Variants in SH3BGRL2 observed in about 807,000 individuals in gnomAD.
SH3BGRL2 encodes the protein SH3 domain binding glutamate rich protein like 2.
Under a neutral mutation model 14.8 loss-of-function variants are expected in SH3BGRL2, and 21 were observed. The ratio of observed to expected loss-of-function variants is 1.42; its 90% CI spans 1.01 to 2.05. The LOEUF is 2.05. Among genes scored for constraint, SH3BGRL2 ranks in the 30% most tolerant of loss-of-function variants. The pLI is 0.00. For missense variants in SH3BGRL2, 147 were observed against 130.8 expected (o/e 1.12, Z -0.61); for synonymous variants, 50 against 47.8 (o/e 1.05, Z -0.19).
At chr6:79,554,891 A>G in the SH3BGRL2 span, among the ~76,000 whole-genome samples, 1 of 151,952 alleles carries the variant, frequency 6.6e-6, no homozygotes, top group Non-Finnish European at 1.5e-5. Context: ...TTATATTATC[A>G]TTATATACTT....
chr6:79,588,622 A>T, the SH3BGRL2 span, among the ~76,000 whole-genome samples: 5 of 152,176 alleles, frequency 3.3e-5, no homozygotes, highest in African/African-American at 1.2e-4. Context: ...GATCCCCTTA[A>T]CCATTTATTA....
the SH3BGRL2 span, among the ~76,000 whole-genome samples, chr6:79,591,318 G>A: frequency 6.6e-6 from 1 of 152,026 alleles, no homozygotes; most frequent in African/African-American, 2.4e-5. Context: ...TGGGGCTATT[G>A]ATCTAATCTT....
the SH3BGRL2 span, among the ~76,000 whole-genome samples, chr6:79,565,986 C>T: frequency 6.6e-6 from 1 of 152,158 alleles, no homozygotes; most frequent in Non-Finnish European, 1.5e-5. Flanking sequence ...GTGCAACTTA[C>T]TTCACAGAAC....
At chr6:79,698,568 A>G (rs1401197949) in intron 3 of SH3BGRL2, among the ~76,000 whole-genome samples, 1 of 152,202 alleles carries the variant, frequency 6.6e-6, no homozygotes, top group African/African-American at 2.4e-5. Context: ...CATGGGCCCA[A>G]CAGGCCCAGG....
the SH3BGRL2 span, among the ~76,000 whole-genome samples, chr6:79,563,425 ATT>A: frequency 6.6e-6 from 1 of 152,016 alleles, no homozygotes; most frequent in Non-Finnish European, 1.5e-5. Context: ...CTTGGTCTAT[ATT>A]AAGTCCCTAC....
At chr6:79,699,008 G>A (rs1305483413) in intron 3 of SH3BGRL2, among the ~76,000 whole-genome samples, 2 of 151,966 alleles carry the variant, frequency 1.3e-5, no homozygotes, top group Non-Finnish European at 2.9e-5. Context: ...CAGAGCTTGA[G>A]CAGGCCACAG....
chr6:79,674,672 C>G (rs1331578858), intron 2 of SH3BGRL2, among the ~76,000 whole-genome samples: 1 of 152,144 alleles, frequency 6.6e-6, no homozygotes, highest in Non-Finnish European at 1.5e-5. Flanking sequence ...TCAAAGAAAA[C>G]AATCCTTTCC....
the SH3BGRL2 span, among the ~76,000 whole-genome samples, chr6:79,612,116 T>G: frequency 1.3e-5 from 2 of 152,062 alleles, no homozygotes; most frequent in African/African-American, 4.8e-5. Context: ...GCCAACGTGG[T>G]AAAACCTTGT....
the SH3BGRL2 span, chr6:79,574,428 G>A: frequency 1.3e-5 from 2 of 152,234 alleles, no homozygotes; most frequent in South Asian, 4.2e-4. Flanking sequence ...CAGAACAGCG[G>A]GGGATAGAGA....
At chr6:79,653,921 G>A (rs1475710060) in intron 1 of SH3BGRL2, among the ~76,000 whole-genome samples, 2 of 152,108 alleles carry the variant, frequency 1.3e-5, no homozygotes, top group Non-Finnish European at 2.9e-5. Context: ...GTGGTAAGAA[G>A]GAAAGCCCCA....
At chr6:79,589,993 G>A in the SH3BGRL2 span, among the ~76,000 whole-genome samples, 1 of 151,938 alleles carries the variant, frequency 6.6e-6, no homozygotes, top group African/African-American at 2.4e-5. Flanking sequence ...GGCTGATCTC[G>A]AGCTTCTGGG....
chr6:79,645,377 A>G (rs552745811), intron 1 of SH3BGRL2, among the ~76,000 whole-genome samples: 3 of 152,294 alleles, frequency 2.0e-5, no homozygotes, highest in African/African-American at 7.2e-5. Context: ...TGGATTTCCC[A>G]TTCTTCTTAA....
the SH3BGRL2 span, chr6:79,575,598 T>G: frequency 6.6e-6 from 1 of 152,160 alleles, no homozygotes; most frequent in East Asian, 1.9e-4. Context: ...AACATATCCT[T>G]TGGATAATAG....
At chr6:79,563,261 G>A in the SH3BGRL2 span, among the ~76,000 whole-genome samples, 1 of 151,476 alleles carries the variant, frequency 6.6e-6, no homozygotes, top group Non-Finnish European at 1.5e-5. Flanking sequence ...ACAGGCATGG[G>A]CCACCGTGCC....
intron 2 of SH3BGRL2, among the ~76,000 whole-genome samples, chr6:79,695,364 T>A (rs1397507202): frequency 1.3e-5 from 2 of 152,234 alleles, no homozygotes; most frequent in Non-Finnish European, 2.9e-5. Flanking sequence ...GAAGAGGATC[T>A]GTACACAGAA....
chr6:79,607,018 T>A, the SH3BGRL2 span, among the ~76,000 whole-genome samples: 2 of 152,210 alleles, frequency 1.3e-5, no homozygotes, highest in Non-Finnish European at 2.9e-5. Context: ...TTTAAAGGGA[T>A]GTTGCTGCTG....
chr6:79,598,779 AAAAT>A, the SH3BGRL2 span, among the ~76,000 whole-genome samples: 3 of 152,210 alleles, frequency 2.0e-5, no homozygotes, highest in Non-Finnish European at 4.4e-5. Flanking sequence ...TAAAAAATAA[AAAAT>A]AAAAAGTGCT....
the SH3BGRL2 span, among the ~76,000 whole-genome samples, chr6:79,567,680 T>A: frequency 6.6e-3 from 1,012 of 152,324 alleles, 12 homozygotes; most frequent in African/African-American, 0.023. Context: ...AGATTATTTT[T>A]GCAAATGTAT....
intron 2 of SH3BGRL2, among the ~76,000 whole-genome samples, chr6:79,692,970 T>G (rs1377591209): frequency 2.6e-5 from 4 of 152,198 alleles, no homozygotes; most frequent in Non-Finnish European, 4.4e-5. Context: ...TTCACGATAT[T>G]GATTCTTCCT....
Sources: allele counts gnomAD v4.1 joint callset (sites outside exome capture counted in the v4.1 genomes callset), GRCh38; gene constraint gnomAD v4.1.1; transcripts MANE v1.5; gene names NCBI Gene and HGNC (gene_info 2026-07-23, HGNC 2026-07-21).